ZNF469: variants seen among roughly 807,000 people sequenced by gnomAD.
ZNF469 encodes zinc finger protein 469.
A neutral mutation model predicts 1.0 loss-of-function variants in ZNF469; 1 was observed. The ratio of observed to expected loss-of-function variants is 1.00; its 90% CI spans 0.35 to 4.73. The LOEUF (loss-of-function observed/expected upper bound fraction) is 4.73. Among genes scored for constraint, ZNF469 ranks in the 30% most tolerant of loss-of-function variants. The pLI, the probability that ZNF469 is intolerant of heterozygous loss-of-function variation, is 0.16. For synonymous variants in ZNF469, 2,703 were observed against 2,363.4 expected (o/e 1.14, Z -4.17); for missense variants, 6,100 against 5,356.3 (o/e 1.14, Z -4.33).
the ZNF469 span, among the ~76,000 whole-genome samples, chr16:88,274,723 AATTC>A: frequency 6.6e-6 from 1 of 152,194 alleles, no homozygotes; most frequent in African/African-American, 2.4e-5. Context: ...AATTCAGTTC[AATTC>A]TGCTATTCAG....
the ZNF469 span, among the ~76,000 whole-genome samples, chr16:88,168,926 C>CA: frequency 1.3e-5 from 2 of 152,200 alleles, no homozygotes; most frequent in East Asian, 1.9e-4. The surrounding 1 kb of genome is among the most constrained non-coding windows in gnomAD (Gnocchi z 4.3). Context: ...TGAGACCCCC[C>CA]CCTCTACAAA....
the ZNF469 span, among the ~76,000 whole-genome samples, chr16:88,129,643 C>G: frequency 1.3e-5 from 2 of 152,080 alleles, no homozygotes; most frequent in Non-Finnish European, 1.5e-5. Flanking sequence ...TACTTGAGCC[C>G]AAGATTTTGA....
Position 88,433,545 on chromosome 16 carries a change from G to A in ZNF469, c.6075G>A (p.Ala2025=), listed in dbSNP as rs373300146. Residue 2025 remains alanine (A), a synonymous_variant, in exon 3 of 3, where the codon GCG becomes GCA. Transcript: ENST00000565624. ...CAGTCAATGCCAGTCCCAAAACAGC[G>A]CTGACCGGCCCCACCGAGGGTGCAG... ...HASVNASPKT[A]LTGPTEGAVL... 1.3e-5 allele frequency: 20 copies of A among 1,550,118 alleles called. No individual in the cohort carries two copies. In the African/African-American group the frequency reaches 1.6e-4, roughly 13 times the overall value.
At chr16:88,138,526 A>G in the ZNF469 span, among the ~76,000 whole-genome samples, 23 of 152,350 alleles carry the variant, frequency 1.5e-4, no homozygotes, top group African/African-American at 5.3e-4. Context: ...ATCTTTTTAA[A>G]AGGAATCTGC....
Position 88,433,572 on chromosome 16 carries a change from C to T in ZNF469, c.6102C>T (p.Val2034=). 1.3e-6 allele frequency: 2 copies of T among 1,550,360 alleles called. No homozygotes were observed. The highest frequency in any genetic ancestry group is 1.7e-6 in the Non-Finnish European group (2 of 1,146,936). ...TALTGPTEGA[V]LLEKCKGSRA... ...TGACCGGCCCCACCGAGGGTGCAGTCCTGCTAGAGAAATGCAAGGGAAGCA... is the reference window on the plus strand; with the variant it reads ...TGACCGGCCCCACCGAGGGTGCAGTTCTGCTAGAGAAATGCAAGGGAAGCA... The change falls in exon 3 of 3, where the codon GTC becomes GTT. Residue 2034 remains valine (V), a synonymous_variant. Coordinates refer to ENST00000565624, the MANE Select transcript of ZNF469 (RefSeq NM_001367624.2).
chr16:88,306,760 C>A, the ZNF469 span, among the ~76,000 whole-genome samples: 1 of 152,224 alleles, frequency 6.6e-6, no homozygotes, highest in Non-Finnish European at 1.5e-5. Flanking sequence ...CAGGCTCTGG[C>A]TTTATTCCGT....
At position 88,418,407 on chromosome 16, in the gene ZNF469, AC is replaced by A. The variant is rs557765138; in HGVS notation, c.-191-6395del. Among the ~76,000 whole-genome samples the A allele has an allele frequency of 2.5e-4, 38 of 151,288 alleles. No individual in the cohort carries two copies. The South Asian group carries it at 7.8e-3, about 31-fold the overall frequency. ...GGTCCTGGTGTCCTTCTGGGTAATG[AC>A]CCCCTGAATATTGGCCTTTGTGGCA... On this transcript the variant is annotated intron_variant, in intron 1 of 2. Coordinates refer to ENST00000565624, the MANE Select transcript of ZNF469 (RefSeq NM_001367624.2).
In ZNF469 at chr16:88,430,822, G is replaced by A. The variant is rs1450994856; in HGVS notation, c.3352G>A (p.Gly1118Ser). The A allele has an allele frequency of 1.3e-6, 2 of 1,533,658 alleles. No individual in the cohort carries two copies. The highest frequency in any genetic ancestry group is 1.7e-6 in the Non-Finnish European group (2 of 1,145,466). Residue 1118 changes from glycine to serine, a missense_variant, in exon 3 of 3, where the codon GGC becomes AGC. Coordinates refer to ENST00000565624, the MANE Select transcript of ZNF469 (RefSeq NM_001367624.2). ...CGGCTTCAGAGGCCGGCGGGGCCGA[G>A]GCGAGAAGAGGAAGGAAGTGGAGCT... is the stretch of plus-strand genomic sequence containing the variant. ...GPGFRGRRGRGEKRKEVELTQ... is the reference protein window; with the variant it reads ...GPGFRGRRGRSEKRKEVELTQ...
chr16:88,138,049 T>G, the ZNF469 span, among the ~76,000 whole-genome samples: 1 of 151,992 alleles, frequency 6.6e-6, no homozygotes, highest in African/African-American at 2.4e-5. Flanking sequence ...TCCAAGGGAG[T>G]GCCCATCTCA....
At chr16:88,190,741 G>A in the ZNF469 span, among the ~76,000 whole-genome samples, 1 of 152,192 alleles carries the variant, frequency 6.6e-6, no homozygotes. Flanking sequence ...TTGAACTAGG[G>A]AAGTATGTTG....
At chr16:88,378,246 G>A (rs1222554007), upstream of ZNF469, among the ~76,000 whole-genome samples, 1 of 152,204 alleles carries the variant, frequency 6.6e-6, no homozygotes, top group Non-Finnish European at 1.5e-5. Context: ...CGGGCAGGGA[G>A]CAGGGGGCAC....
At chr16:88,126,871 G>C in the ZNF469 span, among the ~76,000 whole-genome samples, 1 of 152,028 alleles carries the variant, frequency 6.6e-6, no homozygotes, top group Admixed American at 6.5e-5. Flanking sequence ...CCAGGCTGGA[G>C]TGCAGTGGGG....
At chr16:88,348,051 C>T in the ZNF469 span, among the ~76,000 whole-genome samples, 19 of 152,378 alleles carry the variant, frequency 1.2e-4, 1 homozygote, top group African/African-American at 4.6e-4. Context: ...GGAGCATGGT[C>T]GTGGTGGGCC....
the ZNF469 span, among the ~76,000 whole-genome samples, chr16:88,208,775 G>GCACACA: frequency 2.7e-4 from 13 of 47,436 alleles, no homozygotes; most frequent in Middle Eastern, 0.01. Context: ...ATGCGCGTGC[G>GCACACA]CGCGCACACA....
In ZNF469 at chr16:88,428,083, C is replaced by T. The variant is rs938215714; in HGVS notation, c.613C>T (p.Pro205Ser). 6.5e-7 allele frequency: 1 copy of T among 1,549,900 alleles called. No homozygotes were observed. ...TACCTCACCAAGCGCCACCCCCAGG[C>T]CCCCAGCCCCGGGGCCCCCCCAGAG... ...NYTSPSATPR[P>S]PAPGPPQSRG... The change falls in exon 3 of 3, where the codon CCC (proline) becomes TCC (serine). Residue 205 changes from proline to serine, a missense_variant. Coordinates refer to ENST00000565624, the MANE Select transcript of ZNF469 (RefSeq NM_001367624.2).
Position 88,428,794 on chromosome 16 carries a change from G to GACCCCACAGCAGCCCCTT in ZNF469, c.1333_1350dup (p.Ala445_Thr450dup). The GACCCCACAGCAGCCCCTT allele has an allele frequency of 6.5e-7, 1 of 1,546,352 alleles. No individual in the cohort carries two copies. Among genetic ancestry groups the GACCCCACAGCAGCCCCTT allele is most frequent in the Non-Finnish European group, 8.7e-7 (1 of 1,145,910 alleles). On this transcript the variant is annotated inframe_insertion, in exon 3 of 3. Coordinates refer to ENST00000565624, the MANE Select transcript of ZNF469 (RefSeq NM_001367624.2). ...ACCCGCCAGGCTGCCCCAGCTGTGG[G>GACCCCACAGCAGCCCCTT]ACCCCACAGCAGCCCCTTACCCCAC...
At chr16:88,371,944 AT>A in the ZNF469 span, among the ~76,000 whole-genome samples, 1 of 144,336 alleles carries the variant, frequency 6.9e-6, no homozygotes, top group South Asian at 2.3e-4. Context: ...CACCACCATC[AT>A]CACCATCACC....
chr16:88,408,859 C>T (rs1006847915), intron 1 of ZNF469, among the ~76,000 whole-genome samples: 3 of 152,252 alleles, frequency 2.0e-5, no homozygotes, highest in African/African-American at 7.2e-5. Context: ...GCAGATATCC[C>T]TCTTTCTTCA....
chr16:88,386,648 C>T (rs2092537334), intron 1 of ZNF469, among the ~76,000 whole-genome samples: 1 of 152,222 alleles, frequency 6.6e-6, no homozygotes, highest in South Asian at 2.1e-4. Context: ...CCTTTCCAGA[C>T]ACAGCTCCAT....
Sources: gnomAD v4.1 joint callset for allele counts (sites outside exome capture counted in the v4.1 genomes callset) on GRCh38, gnomAD v4.1.1 for gene constraint, Gnocchi (gnomAD v3.1) non-coding constraint, MANE v1.5 for transcripts, NCBI Gene and HGNC (gene_info 2026-07-23, HGNC 2026-07-21) for gene names.